Variants in DMD observed in about 807,000 individuals in gnomAD.
DMD encodes mutant dystrophin.
In DMD, 63 loss-of-function variants were observed where a neutral mutation model predicts 330.1. That is an observed-to-expected ratio of 0.19 (90% CI 0.16 to 0.24). DMD has a LOEUF of 0.24. Among genes scored for constraint, DMD ranks in the 10% least tolerant of loss-of-function variants. The pLI is 1.00. For synonymous variants in DMD, 1,223 were observed against 959.8 expected (o/e 1.27, Z -5.07); for missense variants, 3,344 against 2,684.1 (o/e 1.25, Z -5.43).
chrX:31,535,633 C>G (rs2073332597), intron 55 of DMD, among the ~76,000 whole-genome samples: 1 of 111,099 alleles, frequency 9.0e-6, no homozygotes, highest in African/African-American at 3.3e-5. Flanking sequence ...CCAAAATTGA[C>G]AAATGGTTTC....
At chrX:32,056,220 C>T (rs1385500943) in intron 44 of DMD, among the ~76,000 whole-genome samples, 1 of 108,790 alleles carries the variant, frequency 9.2e-6, no homozygotes, top group Non-Finnish European at 1.9e-5. Flanking sequence ...TCCTCAAAGA[C>T]TTAGAAAAAG....
At chrX:33,096,464 G>A (rs2095166147) in intron 1 of DMD, among the ~76,000 whole-genome samples, 1 of 109,914 alleles carries the variant, frequency 9.1e-6, no homozygotes, top group Admixed American at 9.7e-5. Context: ...GAGAGATAAT[G>A]CGATCTGTTT....
chrX:33,166,309 T>G (rs891783608), intron 1 of DMD, among the ~76,000 whole-genome samples: 4 of 110,630 alleles, frequency 3.6e-5, no homozygotes, highest in Non-Finnish European at 5.7e-5. Flanking sequence ...AAAAGTGAAA[T>G]AAGATATATG....
intron 11 of DMD, among the ~76,000 whole-genome samples, chrX:32,619,827 C>A (rs1299367243): frequency 9.0e-6 from 1 of 111,486 alleles, no homozygotes; most frequent in Admixed American, 9.6e-5. Context: ...GACCTAGCAT[C>A]CCCGGAACTG....
At chrX:31,816,259 AAAC>A (rs1272541563) in intron 50 of DMD, among the ~76,000 whole-genome samples, 1 of 111,541 alleles carries the variant, frequency 9.0e-6, no homozygotes, top group Non-Finnish European at 1.9e-5. Context: ...CTGATAATTA[AAAC>A]AATTTATACA....
chrX:32,277,469 A>G (rs1359294171), intron 43 of DMD, among the ~76,000 whole-genome samples: 3 of 111,890 alleles, frequency 2.7e-5, no homozygotes, highest in Non-Finnish European at 3.8e-5. Flanking sequence ...TATAGAATAA[A>G]TGGATCTAAT....
At chrX:32,462,240 T>G (rs2098386034) in intron 25 of DMD, among the ~76,000 whole-genome samples, 2 of 111,487 alleles carry the variant, frequency 1.8e-5, no homozygotes, top group South Asian at 3.7e-4. Context: ...ATTTAATTTA[T>G]AAATTAGGCA....
At chrX:31,798,047 G>A (rs1162855074) in intron 50 of DMD, among the ~76,000 whole-genome samples, 7 of 112,056 alleles carry the variant, frequency 6.2e-5, no homozygotes, top group Middle Eastern at 4.6e-3. Context: ...GAAATAGTGA[G>A]GATGATAGTA....
At chrX:31,270,593 T>G (rs1370933478) in intron 62 of DMD, among the ~76,000 whole-genome samples, 1 of 112,001 alleles carries the variant, frequency 8.9e-6, no homozygotes, top group East Asian at 2.8e-4. Flanking sequence ...TGCTTGATCT[T>G]TTGGAGAGAA....
chrX:32,465,974 G>C (rs2039985154), intron 23 of DMD, among the ~76,000 whole-genome samples: 1 of 111,302 alleles, frequency 9.0e-6, no homozygotes, highest in Non-Finnish European at 1.9e-5. Context: ...GATCTACAGT[G>C]ATGCCAGTAA....
At chrX:31,791,389 T>C (rs759073513) in intron 50 of DMD, among the ~76,000 whole-genome samples, 1 of 112,169 alleles carries the variant, frequency 8.9e-6, no homozygotes, top group Admixed American at 9.4e-5. Flanking sequence ...TCAGAACTAG[T>C]GTGCTTGAAT....
intron 4 of DMD, 139 bp from the exon 5 acceptor site, chrX:32,823,526 AAAAATT>A: frequency 2.1e-6 from 1 of 478,208 alleles, no homozygotes; most frequent in East Asian, 3.8e-5. Flanking sequence ...AAAATAATCT[AAAAATT>A]AAACAAAATG....
intron 43 of DMD, among the ~76,000 whole-genome samples, chrX:32,229,190 TA>T (rs1318239737): frequency 1.8e-5 from 2 of 111,328 alleles, no homozygotes; most frequent in Non-Finnish European, 3.8e-5. Flanking sequence ...CTCTTGGAAA[TA>T]AATCATGTTG....
intron 51 of DMD, among the ~76,000 whole-genome samples, chrX:31,732,290 G>T (rs1457769164): frequency 3.6e-5 from 4 of 111,538 alleles, no homozygotes; most frequent in Non-Finnish European, 7.6e-5. Flanking sequence ...ATATTGCTAT[G>T]GGATTTATCA....
chrX:32,699,175 C>T lies in DMD; in HGVS notation c.768G>A (p.Arg256=), dbSNP rs1379469102. 2 of 1,208,272 alleles carry T rather than the reference C, an allele frequency of 1.7e-6. No homozygotes were observed. Among genetic ancestry groups the T allele is most frequent in the African/African-American group, 3.5e-5 (2 of 57,098 alleles). The change falls in exon 8 of 79, where the codon AGG becomes AGA. Residue 256 remains arginine, a synonymous_variant. Transcript: ENST00000357033. ...EAIQEVEMLP[R]PPKVTKEEHF... ...GTTCTTCTTTAGTCACTTTAGGTGG[C>T]CTTGGCAACATTTCCACTTCCTGGA...
chrX:32,922,164 G>A (rs2088484051), intron 2 of DMD, among the ~76,000 whole-genome samples: 1 of 106,755 alleles, frequency 9.4e-6, no homozygotes, highest in Admixed American at 9.8e-5. Flanking sequence ...AGGTTTGAAA[G>A]CCCTGACATG....
intron 18 of DMD, among the ~76,000 whole-genome samples, chrX:32,511,446 C>T (rs1055957861): frequency 1.0e-5 from 1 of 100,090 alleles, no homozygotes; most frequent in Non-Finnish European, 2.0e-5. Flanking sequence ...CGCTTGAACC[C>T]GGGAGACAGA....
At chrX:31,545,105 A>C (rs1292401615) in intron 55 of DMD, among the ~76,000 whole-genome samples, 2 of 111,953 alleles carry the variant, frequency 1.8e-5, no homozygotes, top group Non-Finnish European at 3.8e-5. Flanking sequence ...AAAAGGGATA[A>C]ACCTTCAACT....
intron 11 of DMD, among the ~76,000 whole-genome samples, chrX:32,629,918 C>T (rs183175780): frequency 7.1e-4 from 78 of 110,396 alleles, no homozygotes; most frequent in African/African-American, 2.2e-3. Context: ...TTGATAGGTT[C>T]GTCTTTTAGT....
Sources: allele counts gnomAD v4.1 joint callset (sites outside exome capture counted in the v4.1 genomes callset), GRCh38; gene constraint gnomAD v4.1.1; transcripts MANE v1.5; gene names NCBI Gene and HGNC (gene_info 2026-07-23, HGNC 2026-07-21).